The following PXDNL variants were observed in gnomAD, a reference collection of about 807,000 sequenced individuals.
PXDNL encodes the protein peroxidasin like.
PXDNL carries 145 observed loss-of-function variants against 150.8 expected under a neutral mutation model. The observed-to-expected ratio is 0.96, with a 90% confidence interval of 0.84 to 1.10. PXDNL has a LOEUF of 1.10. Ranked by LOEUF, PXDNL falls within the 50% of genes least tolerant of loss-of-function variation. The pLI, the probability that PXDNL is intolerant of heterozygous loss-of-function variation, is 0.00. For missense variants in PXDNL, 2,087 were observed against 1,873.9 expected (o/e 1.11, Z -2.10); for synonymous variants, 757 against 725.7 (o/e 1.04, Z -0.69).
At chr8:51,613,930 G>A (rs909220701) in intron 2 of PXDNL, among the ~76,000 whole-genome samples, 4 of 152,112 alleles carry the variant, frequency 2.6e-5, no homozygotes, top group Non-Finnish European at 4.4e-5. Context: ...ACTGTTAGGT[G>A]CCCCAGTCTC....
At chr8:51,341,410 T>A (rs1805981020) in intron 20 of PXDNL, among the ~76,000 whole-genome samples, 1 of 152,034 alleles carries the variant, frequency 6.6e-6, no homozygotes, top group Non-Finnish European at 1.5e-5. Context: ...AATTTCCTTA[T>A]TTTTTTTCAC....
At chr8:51,740,179 C>G (rs545487558) in intron 1 of PXDNL, among the ~76,000 whole-genome samples, 1 of 152,256 alleles carries the variant, frequency 6.6e-6, no homozygotes, top group East Asian at 1.9e-4. Context: ...GGTTCTTCTT[C>G]TAGTAAAATG....
At chr8:51,673,995 A>G (rs1175661536) in intron 1 of PXDNL, among the ~76,000 whole-genome samples, 1 of 152,222 alleles carries the variant, frequency 6.6e-6, no homozygotes, top group Non-Finnish European at 1.5e-5. Context: ...CAATAAGACT[A>G]AAAACTTGAA....
intron 1 of PXDNL, among the ~76,000 whole-genome samples, chr8:51,765,636 T>G (rs2037220357): frequency 6.6e-6 from 1 of 152,188 alleles, no homozygotes; most frequent in African/African-American, 2.4e-5. Context: ...TTTGTATTAC[T>G]AATTAACACA....
intron 17 of PXDNL, among the ~76,000 whole-genome samples, chr8:51,402,351 C>A (rs1163469355): frequency 2.0e-5 from 3 of 151,984 alleles, no homozygotes; most frequent in African/African-American, 7.3e-5. Context: ...CATGGTGAGA[C>A]CCAATCTCTA....
intron 21 of PXDNL, among the ~76,000 whole-genome samples, chr8:51,328,289 T>C (rs1427006437): frequency 6.6e-6 from 1 of 152,246 alleles, no homozygotes; most frequent in Non-Finnish European, 1.5e-5. Flanking sequence ...AGACATTTCC[T>C]ATTAATTCTA....
chr8:51,366,035 C>T (rs1586038702), intron 19 of PXDNL, among the ~76,000 whole-genome samples: 1 of 152,152 alleles, frequency 6.6e-6, no homozygotes, highest in Admixed American at 6.5e-5. Flanking sequence ...CTCATGAACA[C>T]ACAAAATTAC....
intron 2 of PXDNL, among the ~76,000 whole-genome samples, chr8:51,644,405 C>CATATGTGTGTGTATATATATACACAT (rs10685147): frequency 0.013 from 1,063 of 82,740 alleles, 41 homozygotes; most frequent in Middle Eastern, 0.014. Context: ...TATATATACA[C>CATATGTGTGTGTATATATATACACAT]ATGTGTGTGT....
At chr8:51,667,425 C>A (rs890434058) in intron 1 of PXDNL, among the ~76,000 whole-genome samples, 1 of 152,224 alleles carries the variant, frequency 6.6e-6, no homozygotes, top group Admixed American at 6.5e-5. Flanking sequence ...ATGTAAACTA[C>A]TAACTTTACA....
chr8:51,506,983 A>G (rs1213321551), intron 4 of PXDNL, among the ~76,000 whole-genome samples: 1 of 152,198 alleles, frequency 6.6e-6, no homozygotes, highest in Admixed American at 6.5e-5. Context: ...TAAGATCAAC[A>G]GTACTTTTTT....
chr8:51,470,261 C>T (rs1157024239), intron 8 of PXDNL, among the ~76,000 whole-genome samples: 1 of 152,014 alleles, frequency 6.6e-6, no homozygotes, highest in African/African-American at 2.4e-5. Flanking sequence ...TAATAGTATT[C>T]ATAATTGCCT....
At chr8:51,695,606 G>A (rs1816103020) in intron 1 of PXDNL, among the ~76,000 whole-genome samples, 1 of 152,116 alleles carries the variant, frequency 6.6e-6, no homozygotes, top group African/African-American at 2.4e-5. Context: ...CCATAGCACA[G>A]GGCACCCCAG....
chr8:51,678,949 C>T (rs1815687433), intron 1 of PXDNL, among the ~76,000 whole-genome samples: 4 of 152,252 alleles, frequency 2.6e-5, no homozygotes, highest in African/African-American at 9.6e-5. Context: ...TGTTTCATAC[C>T]TACCACATGC....
chr8:51,644,366 A>ATG (rs1197345629), intron 2 of PXDNL, among the ~76,000 whole-genome samples: 42 of 77,826 alleles, frequency 5.4e-4, no homozygotes, highest in African/African-American at 1.0e-3. Flanking sequence ...ACACACACAT[A>ATG]TGTATATATA....
At chr8:51,365,502 C>A (rs1806887741) in intron 19 of PXDNL, among the ~76,000 whole-genome samples, 1 of 152,028 alleles carries the variant, frequency 6.6e-6, no homozygotes, top group Non-Finnish European at 1.5e-5. Context: ...TTTATGGGAC[C>A]CCAGGTAAGG....
At chr8:51,533,656 G>GT (rs574143121) in intron 4 of PXDNL, among the ~76,000 whole-genome samples, 7,982 of 144,166 alleles carry the variant, frequency 0.055, 365 homozygotes, top group African/African-American at 0.11. Flanking sequence ...ACTGGTTTTC[G>GT]TTTTTTTTTT....
chr8:51,664,398 T>A (rs1169690966), intron 1 of PXDNL, among the ~76,000 whole-genome samples: 1 of 152,156 alleles, frequency 6.6e-6, no homozygotes, highest in Non-Finnish European at 1.5e-5. Flanking sequence ...AGTTTTAGGA[T>A]CATTGTTATA....
rs1438194050 is a variant in PXDNL, at chr8:51,606,516, G to C, written c.237-13818C>G. ...GTAGAAATAATACTCTAACTATAAAGTTCTTTAACCAAACTTTTAAAAGCA... is the reference window on the plus strand; with the variant it reads ...GTAGAAATAATACTCTAACTATAAACTTCTTTAACCAAACTTTTAAAAGCA... On this transcript the variant is annotated intron_variant, in intron 2 of 22. Coordinates refer to ENST00000356297, the MANE Select transcript of PXDNL (RefSeq NM_144651.5). Among the ~76,000 whole-genome samples the C allele has an allele frequency of 2.6e-5, 4 of 152,204 alleles. No homozygotes were observed. The East Asian group carries it at 7.7e-4, about 29-fold the overall frequency.
intron 17 of PXDNL, among the ~76,000 whole-genome samples, chr8:51,398,856 C>G (rs1375938146): frequency 6.6e-6 from 1 of 152,076 alleles, no homozygotes; most frequent in Non-Finnish European, 1.5e-5. Context: ...ATTAAAGCCA[C>G]TATTATACAT....
Sources: gnomAD v4.1 joint callset for allele counts (sites outside exome capture counted in the v4.1 genomes callset) on GRCh38, gnomAD v4.1.1 for gene constraint, MANE v1.5 for transcripts, NCBI Gene and HGNC (gene_info 2026-07-23, HGNC 2026-07-21) for gene names.